CDC73: variants seen among roughly 807,000 people sequenced by gnomAD.
CDC73 encodes parafibromin.
In CDC73, 21 loss-of-function variants were observed where a neutral mutation model predicts 83.7. The ratio of observed to expected loss-of-function variants is 0.25; its 90% CI spans 0.18 to 0.36. CDC73 has a LOEUF of 0.36. Ranked by LOEUF, CDC73 falls within the 10% of genes least tolerant of loss-of-function variation. The pLI, the probability that CDC73 is intolerant of heterozygous loss-of-function variation, is 1.00. For synonymous variants in CDC73, 224 were observed against 212.9 expected (o/e 1.05, Z -0.45); for missense variants, 342 against 653.3 (o/e 0.52, Z 5.19).
intron 3 of CDC73, among the ~76,000 whole-genome samples, chr1:193,132,222 C>G (rs562576176): frequency 1.3e-5 from 2 of 152,306 alleles, no homozygotes; most frequent in Admixed American, 6.5e-5. Context: ...CACAGAGAAT[C>G]TTGTGTATAA....
chr1:193,217,478 C>T (rs1021189275), intron 13 of CDC73, among the ~76,000 whole-genome samples: 2 of 151,996 alleles, frequency 1.3e-5, no homozygotes, highest in Non-Finnish European at 2.9e-5. Context: ...GGAGTCCAGC[C>T]GCTGTGGCCA....
intron 16 of CDC73, among the ~76,000 whole-genome samples, chr1:193,250,220 T>G (rs1678023660): frequency 6.6e-6 from 1 of 151,926 alleles, no homozygotes; most frequent in South Asian, 2.1e-4. Context: ...CTGAAAGATC[T>G]ATGATTCTGG....
At chr1:193,232,004 T>C (rs1456213335) in intron 13 of CDC73, among the ~76,000 whole-genome samples, 1 of 152,192 alleles carries the variant, frequency 6.6e-6, no homozygotes, top group Non-Finnish European at 1.5e-5. Context: ...ACTTTTAAAA[T>C]ACTTTGTGAA....
intron 7 of CDC73, among the ~76,000 whole-genome samples, chr1:193,143,948 A>G (rs909701763): frequency 6.6e-6 from 1 of 151,934 alleles, no homozygotes; most frequent in African/African-American, 2.4e-5. Context: ...TGTCTCTACT[A>G]AAAATACAAA....
At chr1:193,249,377 A>G (rs531661251) in intron 15 of CDC73, among the ~76,000 whole-genome samples, 8 of 152,216 alleles carry the variant, frequency 5.3e-5, no homozygotes, top group South Asian at 4.1e-4. Context: ...TAAAAATGCA[A>G]TGAGGTACCA....
intron 15 of CDC73, among the ~76,000 whole-genome samples, chr1:193,243,017 A>G (rs181671291): frequency 1.5e-4 from 22 of 150,720 alleles, no homozygotes; most frequent in East Asian, 3.9e-4. Flanking sequence ...CAGTGGTGCA[A>G]TCTTGGCTCC....
chr1:193,253,132 A>G lies in CDC73; in HGVS notation c.*2420A>G, dbSNP rs536960020. 1 of 232,372 alleles carries G rather than the reference A, an allele frequency of 4.3e-6. No homozygotes were observed. The highest frequency in any genetic ancestry group is 8.5e-6 in the Non-Finnish European group (1 of 117,524). The allele number at this position is 232,372 out of a possible 1,614,324, so 14.4% of individuals were successfully genotyped here. A position where few individuals can be genotyped will look rare whatever the true frequency, so the allele number is the denominator to read the frequency against. ...CATTCTTCTCAGTCAAGGAACAGTA[A>G]GAAATATGTAGGTTTCAATCAGTTG... On this transcript the variant is annotated 3_prime_UTR_variant, in exon 17 of 17. Coordinates refer to ENST00000367435, the MANE Select transcript of CDC73 (RefSeq NM_024529.5).
chr1:193,215,764 A>G (rs1384050856), intron 13 of CDC73, among the ~76,000 whole-genome samples: 1 of 151,838 alleles, frequency 6.6e-6, no homozygotes, highest in African/African-American at 2.4e-5. Context: ...AAATTTTTGT[A>G]TTTTTTGTAG....
chr1:193,154,364 T>A (rs1032880432), intron 10 of CDC73, among the ~76,000 whole-genome samples: 3 of 152,244 alleles, frequency 2.0e-5, no homozygotes, highest in Non-Finnish European at 4.4e-5. Context: ...TTTACAGTGA[T>A]GCTTTGTACA....
intron 10 of CDC73, among the ~76,000 whole-genome samples, chr1:193,158,520 A>G (rs189562182): frequency 6.6e-6 from 1 of 152,094 alleles, no homozygotes; most frequent in East Asian, 1.9e-4. Flanking sequence ...AAAATTAAGT[A>G]ACTTTCATCT....
At chr1:193,137,943 G>A in intron 5 of CDC73, 142 bp from the exon 6 acceptor site, 1 of 689,020 alleles carries the variant, frequency 1.5e-6, no homozygotes, top group Non-Finnish European at 2.7e-6. Context: ...GTAGCCAAAA[G>A]TAGTCTTGAA....
chr1:193,204,962 C>T (rs1677161415), intron 11 of CDC73, among the ~76,000 whole-genome samples: 1 of 152,034 alleles, frequency 6.6e-6, no homozygotes, highest in Non-Finnish European at 1.5e-5. Context: ...GTGTTGAACA[C>T]CTAAAATTCT....
intron 8 of CDC73, among the ~76,000 whole-genome samples, chr1:193,148,639 A>ATTTTTTTTT (rs894987430): frequency 2.6e-5 from 3 of 113,662 alleles, no homozygotes; most frequent in African/African-American, 1.0e-4. Context: ...AAAATTTATA[A>ATTTTTTTTT]TTTTTTTTTT....
chr1:193,241,513 G>T lies in CDC73; in HGVS notation c.1417+5157G>T, dbSNP rs1164819968. 2.6e-5 allele frequency among the ~76,000 whole-genome samples: 4 copies of T among 152,360 alleles called. 1 individual carries two copies. The highest frequency in any genetic ancestry group is 4.1e-4 in the South Asian group (2 of 4,830). On this transcript the variant is annotated intron_variant, in intron 15 of 16. Transcript: ENST00000367435. ...CAGTGGTGAGCCTGGAGGGTGAGCA[G>T]GTCAAGTTTCTGGGCAGTGGGCAAT... is the stretch of plus-strand genomic sequence containing the variant.
rs370822890 is a variant in CDC73, at chr1:193,147,454, G to A, written c.730-413G>A. 4.0e-4 allele frequency among the ~76,000 whole-genome samples: 59 copies of A among 147,838 alleles called. No individual in the cohort carries two copies. In the East Asian group the frequency reaches 4.8e-3, roughly 12 times the overall value. On this transcript the variant is annotated intron_variant, in intron 7 of 16. Coordinates refer to ENST00000367435, the MANE Select transcript of CDC73 (RefSeq NM_024529.5). ...ATGATCTTGGCTCACTGCAAACTCC[G>A]CCTCCCGTGTTCACACCATATTCCT... is the stretch of plus-strand genomic sequence containing the variant.
intron 10 of CDC73, among the ~76,000 whole-genome samples, chr1:193,153,236 C>T (rs963841977): frequency 1.3e-5 from 2 of 151,908 alleles, no homozygotes; most frequent in African/African-American, 4.8e-5. Context: ...ATGGTTATTT[C>T]TATATATTCT....
Position 193,150,396 on chromosome 1 carries a change from T to G in CDC73, c.907+14T>G. 6.5e-7 allele frequency: 1 copy of G among 1,539,664 alleles called. No homozygotes were observed. Among genetic ancestry groups the G allele is most frequent in the Non-Finnish European group, 9.0e-7 (1 of 1,111,946 alleles). ...AAGGAAAAGAAGGCAAGTTGCTTAA[T>G]TCTTATCTTCCCCTTAGTGTGGTTG... On this transcript the variant is annotated intron_variant, in intron 9 of 16. Coordinates refer to ENST00000367435, the MANE Select transcript of CDC73 (RefSeq NM_024529.5).
chr1:193,172,724 C>G lies in CDC73; in HGVS notation c.972+20280C>G, dbSNP rs115000861. On this transcript the variant is annotated intron_variant, in intron 10 of 16. Transcript: ENST00000367435. ...TGGCACTGCATCCTTTTTCCCTCTTCCTTTTGCCATCCTGTGTTCTGAATT... is the reference window on the plus strand; with the variant it reads ...TGGCACTGCATCCTTTTTCCCTCTTGCTTTTGCCATCCTGTGTTCTGAATT... Among the ~76,000 whole-genome samples, 83 of 152,200 alleles carry G rather than the reference C, an allele frequency of 5.5e-4. 1 individual carries two copies. Among genetic ancestry groups the G allele is most frequent in the African/African-American group, 1.9e-3 (78 of 41,528 alleles).
intron 13 of CDC73, among the ~76,000 whole-genome samples, chr1:193,217,335 A>G (rs1396264755): frequency 1.3e-5 from 2 of 152,102 alleles, no homozygotes; most frequent in Non-Finnish European, 2.9e-5. Flanking sequence ...CACAAGGACA[A>G]GATACTCTGC....
Sources: allele counts gnomAD v4.1 joint callset (sites outside exome capture counted in the v4.1 genomes callset), GRCh38; gene constraint gnomAD v4.1.1; transcripts MANE v1.5; gene names NCBI Gene and HGNC (gene_info 2026-07-23, HGNC 2026-07-21).